The following CLASP1 variants were observed in gnomAD, a reference collection of about 807,000 sequenced individuals.
CLASP1 encodes the protein cytoplasmic linker associated protein 1.
CLASP1 carries 38 observed loss-of-function variants against 192.3 expected under a neutral mutation model. The ratio of observed to expected loss-of-function variants is 0.20; its 90% CI spans 0.15 to 0.26. The LOEUF (loss-of-function observed/expected upper bound fraction) is 0.26, where lower values mean the gene tolerates loss of function less well. CLASP1 is among the 10% of genes least tolerant of loss of function. The pLI is 1.00. For missense variants in CLASP1, 1,433 were observed against 1,932.5 expected, an observed-to-expected ratio of 0.74 and a Z score of 4.85; for synonymous variants, 691 against 712.8, an observed-to-expected ratio of 0.97 and a Z score of 0.49.
intron 8 of CLASP1, among the ~76,000 whole-genome samples, chr2:121,493,101 T>TA (rs1333695103): frequency 1.3e-5 from 2 of 152,188 alleles, no homozygotes; most frequent in Non-Finnish European, 2.9e-5. Context: ...ACATAATCCC[T>TA]ATCAAATGCC....
chr2:121,440,780 T>C (rs2149723679), intron 19 of CLASP1, among the ~76,000 whole-genome samples: 1 of 138,798 alleles, frequency 7.2e-6, no homozygotes, highest in Non-Finnish European at 1.5e-5. Context: ...GACAAGTAGA[T>C]AGATGTGAAG....
chr2:121,495,146 C>T (rs893501371), intron 8 of CLASP1, among the ~76,000 whole-genome samples: 2 of 151,916 alleles, frequency 1.3e-5, no homozygotes, highest in African/African-American at 2.4e-5. Context: ...CACAGTGAAA[C>T]TCCATCTCTA....
chr2:121,403,688 C>A, intron 26 of CLASP1: 1 of 454,458 alleles, frequency 2.2e-6, no homozygotes, highest in South Asian at 1.6e-5. Context: ...AAGTAAACTT[C>A]TGTAAAGATA....
exon 38 of CLASP1, chr2:121,348,697 C>A: frequency 6.2e-7 from 1 of 1,610,036 alleles, no homozygotes; most frequent in Non-Finnish European, 8.5e-7. Context: ...GTGGACGCAG[C>A]CTCCTCAGCC....
At chr2:121,600,228 C>T (rs2063638969) in intron 2 of CLASP1, among the ~76,000 whole-genome samples, 1 of 152,206 alleles carries the variant, frequency 6.6e-6, no homozygotes, top group African/African-American at 2.4e-5. Context: ...ATACTCTGGG[C>T]TCCAGATGTG....
At chr2:121,612,040 G>A (rs1318852942) in intron 1 of CLASP1, among the ~76,000 whole-genome samples, 1 of 150,968 alleles carries the variant, frequency 6.6e-6, no homozygotes, top group Non-Finnish European at 1.5e-5. Context: ...ACTGGAAGAG[G>A]AGGAGTTACA....
At chr2:121,512,303 T>C (rs2094160577) in intron 7 of CLASP1, among the ~76,000 whole-genome samples, 1 of 152,190 alleles carries the variant, frequency 6.6e-6, no homozygotes, top group South Asian at 2.1e-4. Flanking sequence ...CTCAATGGGA[T>C]GAGAGTGAAT....
At chr2:121,428,573 G>A (rs1044969200) in intron 20 of CLASP1, among the ~76,000 whole-genome samples, 2 of 152,078 alleles carry the variant, frequency 1.3e-5, no homozygotes, top group Admixed American at 6.6e-5. Flanking sequence ...TTGTTCCCAC[G>A]ACAGACACTT....
intron 1 of CLASP1, among the ~76,000 whole-genome samples, chr2:121,639,133 C>T (rs1456057326): frequency 1.3e-5 from 2 of 151,804 alleles, no homozygotes; most frequent in Non-Finnish European, 2.9e-5. Flanking sequence ...AAAAATTAGC[C>T]GGGCTTGGTG....
At chr2:121,341,582 A>G (rs568662847) in intron 39 of CLASP1, among the ~76,000 whole-genome samples, 1 of 152,372 alleles carries the variant, frequency 6.6e-6, no homozygotes, top group African/African-American at 2.4e-5. Flanking sequence ...TTGAAAATGA[A>G]AGGATATAAA....
In CLASP1 at chr2:121,518,513, C is replaced by A. The variant is rs114013404; in HGVS notation, c.547-2751G>T. Among the ~76,000 whole-genome samples the A allele has an allele frequency of 5.1e-3, 770 of 152,202 alleles. 9 individuals are homozygous for A. Among genetic ancestry groups the A allele is most frequent in the African/African-American group, 0.018 (744 of 41,510 alleles). On this transcript the variant is annotated intron_variant, in intron 6 of 39. Coordinates refer to ENST00000263710, the Ensembl canonical transcript of CLASP1. ...TGTTATGGCAGCCAGAGCTGACAAA[C>A]ACAGATTATCAGTTTATTTTGAGGG... is the stretch of plus-strand genomic sequence containing the variant.
chr2:121,404,471 C>G (rs2076615790), intron 25 of CLASP1, 37 bp from the exon 27 acceptor site: 1 of 1,556,180 alleles, frequency 6.4e-7, no homozygotes, highest in Admixed American at 1.8e-5. Flanking sequence ...GAATTTACTA[C>G]TTTTATTATT....
At chr2:121,608,024 G>T (rs572204215) in intron 1 of CLASP1, among the ~76,000 whole-genome samples, 1 of 152,308 alleles carries the variant, frequency 6.6e-6, no homozygotes, top group South Asian at 2.1e-4. Flanking sequence ...GTATCTCACA[G>T]AGCAATCCTT....
At chr2:121,576,123 T>C (rs1283940106) in intron 2 of CLASP1, among the ~76,000 whole-genome samples, 2 of 152,192 alleles carry the variant, frequency 1.3e-5, no homozygotes, top group Non-Finnish European at 2.9e-5. Flanking sequence ...GGTCTTTTCA[T>C]TTATTAGACA....
At chr2:121,552,161 C>T (rs1005871763) in intron 2 of CLASP1, among the ~76,000 whole-genome samples, 3 of 152,224 alleles carry the variant, frequency 2.0e-5, no homozygotes, top group Middle Eastern at 3.4e-3. Flanking sequence ...AAGCTGGAAC[C>T]GTGCCTTACA....
chr2:121,377,581 T>G, exon 34 of CLASP1: 4 of 1,597,534 alleles, frequency 2.5e-6, no homozygotes, highest in Non-Finnish European at 3.4e-6. Context: ...TTCAATGGCT[T>G]CTGTAACTCC....
chr2:121,461,976 G>A (rs1035099510), intron 10 of CLASP1, among the ~76,000 whole-genome samples: 1 of 152,100 alleles, frequency 6.6e-6, no homozygotes, highest in Non-Finnish European at 1.5e-5. Flanking sequence ...AAGTGCCACA[G>A]GAATCCAGAG....
chr2:121,491,286 T>C (rs1408885370), intron 8 of CLASP1, among the ~76,000 whole-genome samples: 1 of 152,264 alleles, frequency 6.6e-6, no homozygotes, highest in Admixed American at 6.5e-5. Flanking sequence ...TTGGGTCTTT[T>C]ACTTCAGCTA....
At chr2:121,457,589 G>C in intron 14 of CLASP1, 98 bp downstream of exon 14, 3 of 857,142 alleles carry the variant, frequency 3.5e-6, no homozygotes, top group Non-Finnish European at 5.7e-6. Context: ...GTAATACTAA[G>C]CATGTTATAC....
Sources: allele counts gnomAD v4.1 joint callset (sites outside exome capture counted in the v4.1 genomes callset), GRCh38; gene constraint gnomAD v4.1.1; transcripts MANE v1.5; gene names NCBI Gene and HGNC (gene_info 2026-07-23, HGNC 2026-07-21).